The following ANK3 variants were observed in gnomAD, a reference collection of about 807,000 sequenced individuals.
ANK3 encodes the protein ankyrin-3.
A neutral mutation model predicts 370.9 loss-of-function variants in ANK3; 57 were observed. The ratio of observed to expected loss-of-function variants is 0.15; its 90% CI spans 0.12 to 0.19. The LOEUF is 0.19. Ranked by LOEUF, ANK3 falls within the 10% of genes least tolerant of loss-of-function variation. ANK3 has a pLI of 1.00. For missense variants in ANK3, 4,439 were observed against 5,302.1 expected (o/e 0.84, Z 5.06); for synonymous variants, 1,929 against 1,946.3 (o/e 0.99, Z 0.23).
intron 25 of ANK3, among the ~76,000 whole-genome samples, chr10:60,128,121 C>A (rs1325701199): frequency 1.3e-5 from 2 of 152,144 alleles, no homozygotes; most frequent in African/African-American, 4.8e-5. Flanking sequence ...TAAATATAAT[C>A]TTTCATGCTA....
intron 2 of ANK3, among the ~76,000 whole-genome samples, chr10:60,454,164 T>C (rs993872608): frequency 6.6e-6 from 1 of 152,144 alleles, no homozygotes; most frequent in Non-Finnish European, 1.5e-5. Context: ...ATTATAAGAG[T>C]TGGATTATAG....
At chr10:60,051,093 C>T (rs1299023778) in intron 42 of ANK3, among the ~76,000 whole-genome samples, 1 of 152,102 alleles carries the variant, frequency 6.6e-6, no homozygotes, top group Non-Finnish European at 1.5e-5. Flanking sequence ...TCTTCTTTAT[C>T]GTGCCTCATA....
intron 7 of ANK3, among the ~76,000 whole-genome samples, chr10:60,241,953 T>C (rs2097466753): frequency 6.6e-6 from 1 of 152,188 alleles, no homozygotes; most frequent in Non-Finnish European, 1.5e-5. Flanking sequence ...AGTTTAATTC[T>C]CTCAAATTTC....
chr10:60,501,158 T>A (rs1248369574), intron 2 of ANK3, among the ~76,000 whole-genome samples: 3 of 152,048 alleles, frequency 2.0e-5, no homozygotes, highest in Admixed American at 2.0e-4. Context: ...CCCTGAGAGC[T>A]TTTGACTTTA....
intron 18 of ANK3, among the ~76,000 whole-genome samples, chr10:60,179,835 C>T (rs913942189): frequency 2.6e-5 from 4 of 152,122 alleles, no homozygotes; most frequent in South Asian, 4.1e-4. Context: ...CTCTCCTCCC[C>T]GACCTGGCCT....
chr10:60,454,546 A>G (rs4948259), intron 2 of ANK3, among the ~76,000 whole-genome samples: 148,912 of 152,150 alleles, frequency 0.98, 72,950 homozygotes, highest in Middle Eastern at 1. Flanking sequence ...AGGCCAGGAC[A>G]GTCAGTTTAC....
At chr10:60,729,829 C>A (rs2079994960) in intron 1 of ANK3, among the ~76,000 whole-genome samples, 1 of 152,110 alleles carries the variant, frequency 6.6e-6, no homozygotes, top group Non-Finnish European at 1.5e-5. Context: ...GGTAATTAAT[C>A]CATATAAGAC....
At chr10:60,291,749 C>T (rs1171952757) in intron 1 of ANK3, among the ~76,000 whole-genome samples, 1 of 151,706 alleles carries the variant, frequency 6.6e-6, no homozygotes, top group Admixed American at 6.6e-5. Flanking sequence ...CTTTTTTTAC[C>T]CCCAGACAGT....
intron 1 of ANK3, among the ~76,000 whole-genome samples, chr10:60,656,461 G>C (rs745402212): frequency 1.3e-5 from 2 of 151,208 alleles, no homozygotes; most frequent in Admixed American, 6.6e-5. Flanking sequence ...ATCCACTTTT[G>C]GTTTCACTGA....
Position 60,477,516 on chromosome 10 carries a change from T to G in ANK3, c.96+137670A>C, listed in dbSNP as rs75419080. On this transcript the variant is annotated intron_variant, in intron 2 of 43. Transcript: ENST00000373827. The stretch of plus-strand genomic sequence containing the variant: ...ATACCTACTGACAGACAGACAGACA[T>G]ACACACACACACACACACACACACA... 5.2e-3 allele frequency among the ~76,000 whole-genome samples: 639 copies of G among 122,678 alleles called. 4 individuals carry two copies. The highest frequency in any genetic ancestry group is 0.019 in the African/African-American group (609 of 32,806). 80.5% of individuals were successfully genotyped at this position (122,678 alleles called of 152,430 possible). A position where few individuals can be genotyped will look rare whatever the true frequency, so the allele number is the denominator to read the frequency against.
At position 60,063,201 on chromosome 10, in the gene ANK3, G is replaced by C. The variant is rs1157634919; in HGVS notation, c.12505C>G (p.Leu4169Val). ...TKINRIDIVT[L>V]LEGPIFDYGN... The stretch of plus-strand genomic sequence containing the variant: ...TAATCAAATATTGGTCCTTCTAGCA[G>C]TGTCACTATATCTATTCGATTAATT... The change falls in exon 40 of 44, where the codon CTG becomes GTG. Residue 4169 changes from leucine (L) to valine (V), a missense_variant. By Grantham distance (32) the Leu-to-Val change is conservative. Around this residue, in one of 13 missense-constraint regions of ANK3, gnomAD observed 99 missense variants for 150.7 expected, o/e 0.66. Transcript: ENST00000280772. The C allele has an allele frequency of 6.2e-7, 1 of 1,613,480 alleles. No homozygotes were observed. Among genetic ancestry groups the C allele is most frequent in the South Asian group, 1.1e-5 (1 of 91,004 alleles).
At chr10:60,138,854 T>A in intron 24 of ANK3, 110 bp downstream of exon 24, 4 of 1,418,968 alleles carry the variant, frequency 2.8e-6, no homozygotes, top group Non-Finnish European at 3.8e-6. Context: ...AATTCACATC[T>A]TCATCCAAAG....
At position 60,279,642 on chromosome 10, in the gene ANK3, A is replaced by G; in HGVS notation, c.115-3T>C. 1 of 1,605,466 alleles carries G rather than the reference A, an allele frequency of 6.2e-7. No homozygotes were observed. Among genetic ancestry groups the G allele is most frequent in the African/African-American group, 1.3e-5 (1 of 74,454 alleles). ...AAGTAACTTGCATTGGCATCAGACT[A>G]AAATAAAAAAGAAACACATTTTGAT... On this transcript the variant is annotated splice_polypyrimidine_tract_variant and splice_region_variant and intron_variant, in intron 1 of 43. Transcript: ENST00000280772.
At chr10:60,160,172 A>G (rs2095460009) in intron 23 of ANK3, among the ~76,000 whole-genome samples, 1 of 10,986 alleles carries the variant, frequency 9.1e-5, no homozygotes, top group Non-Finnish European at 1.3e-4. Flanking sequence ...CAGACTAACT[A>G]AAAAAGAGAA....
At chr10:60,494,654 A>G (rs555709541) in intron 2 of ANK3, among the ~76,000 whole-genome samples, 38 of 152,300 alleles carry the variant, frequency 2.5e-4, no homozygotes, top group African/African-American at 7.9e-4. Context: ...TTTTTAAAAA[A>G]TTGAGTGACC....
intron 2 of ANK3, among the ~76,000 whole-genome samples, chr10:60,395,557 T>TTTCTTTCTTTCTTTCTTTTCTTTCC (rs2063204619): frequency 1.4e-5 from 1 of 71,206 alleles, no homozygotes; most frequent in Non-Finnish European, 2.9e-5. Flanking sequence ...TGCCTCTTTC[T>TTTCTTTCTTTCTTTCTTTTCTTTCC]TTCTTTCTTT....
intron 4 of ANK3, 34 bp from the exon 5 acceptor site, chr10:60,270,263 CT>C: frequency 6.8e-7 from 1 of 1,468,154 alleles, no homozygotes. Context: ...TTGTCTGCAG[CT>C]TTCCAGAGAC....
At chr10:60,174,241 G>A (rs1457706791) in intron 18 of ANK3, among the ~76,000 whole-genome samples, 1 of 152,194 alleles carries the variant, frequency 6.6e-6, no homozygotes, top group African/African-American at 2.4e-5. Context: ...CTGCCCTAGA[G>A]CGGTGACTCT....
At chr10:60,085,811 T>G (rs753054809) in intron 30 of ANK3, among the ~76,000 whole-genome samples, 1 of 152,132 alleles carries the variant, frequency 6.6e-6, no homozygotes, top group Non-Finnish European at 1.5e-5. Flanking sequence ...AGACGGGGTT[T>G]CATCATGTTG....
Sources: gnomAD v4.1 joint callset for allele counts (sites outside exome capture counted in the v4.1 genomes callset) on GRCh38, gnomAD v4.1.1 for gene constraint, gnomAD v4.1.1 regional missense constraint, MANE v1.5 for transcripts, NCBI Gene and HGNC (gene_info 2026-07-23, HGNC 2026-07-21) for gene names.